Variants in KIAA1549L observed in about 807,000 individuals in gnomAD.
KIAA1549L encodes UPF0606 protein KIAA1549L.
A neutral mutation model predicts 160.7 loss-of-function variants in KIAA1549L; 88 were observed. The observed-to-expected ratio is 0.55, with a 90% CI of 0.46 to 0.65. The LOEUF (loss-of-function observed/expected upper bound fraction) is 0.65. Ranked by LOEUF, KIAA1549L falls within the 30% of genes least tolerant of loss-of-function variation. The pLI, the probability that KIAA1549L is intolerant of heterozygous loss-of-function variation, is 0.00. For missense variants in KIAA1549L, 2,258 were observed against 2,437.5 expected, an observed-to-expected ratio of 0.93 and a Z score of 1.55; for synonymous variants, 950 against 976.7, an observed-to-expected ratio of 0.97 and a Z score of 0.51.
At chr11:33,619,242 G>A (rs1850899829) in intron 16 of KIAA1549L, among the ~76,000 whole-genome samples, 1 of 152,102 alleles carries the variant, frequency 6.6e-6, no homozygotes, top group African/African-American at 2.4e-5. Context: ...CCGGTACCCT[G>A]CACCCTGTGA....
intron 1 of KIAA1549L, among the ~76,000 whole-genome samples, chr11:33,460,390 G>A (rs2132996682): frequency 6.6e-6 from 1 of 152,332 alleles, no homozygotes; most frequent in East Asian, 1.9e-4. Context: ...GCCCAAGTCT[G>A]CTGCCTGGTG....
intron 7 of KIAA1549L, 131 bp from the exon 8 acceptor site, chr11:33,561,545 C>T: frequency 1.4e-6 from 1 of 713,226 alleles, no homozygotes; most frequent in Non-Finnish European, 2.5e-6. Context: ...GGTGCAAGGA[C>T]CACTTGAGCC....
At chr11:33,627,203 T>C (rs1333276660) in intron 16 of KIAA1549L, among the ~76,000 whole-genome samples, 1 of 136,112 alleles carries the variant, frequency 7.3e-6, no homozygotes, top group African/African-American at 2.8e-5. Context: ...ATCAAGGATA[T>C]TGGTCTAAAA....
At chr11:33,606,484 T>C (rs1363456057) in intron 13 of KIAA1549L, among the ~76,000 whole-genome samples, 157 bp from the exon 14 acceptor site, 1 of 152,218 alleles carries the variant, frequency 6.6e-6, no homozygotes, top group African/African-American at 2.4e-5. Flanking sequence ...GGAAAACCGC[T>C]AGCAGTAGCG....
At chr11:33,537,569 G>T (rs146129462) in intron 1 of KIAA1549L, among the ~76,000 whole-genome samples, 1 of 152,268 alleles carries the variant, frequency 6.6e-6, no homozygotes. Context: ...TTGGTTTTCA[G>T]TAGTTTTAAT....
chr11:33,548,874 C>G (rs1235819396), intron 4 of KIAA1549L, among the ~76,000 whole-genome samples: 1 of 152,156 alleles, frequency 6.6e-6, no homozygotes, highest in African/African-American at 2.4e-5. Flanking sequence ...CCCCTCCCTC[C>G]CATCAACACC....
chr11:33,504,274 C>A (rs868371412), intron 1 of KIAA1549L, among the ~76,000 whole-genome samples: 1 of 151,952 alleles, frequency 6.6e-6, no homozygotes, highest in African/African-American at 2.4e-5. Context: ...AAAAAAAAAT[C>A]TTAATCATGT....
intron 1 of KIAA1549L, among the ~76,000 whole-genome samples, chr11:33,402,760 G>T (rs1156741467): frequency 6.6e-6 from 1 of 152,172 alleles, no homozygotes; most frequent in Non-Finnish European, 1.5e-5. Context: ...GGACAGCTTT[G>T]CCCCTTATGT....
intron 1 of KIAA1549L, among the ~76,000 whole-genome samples, chr11:33,429,626 C>G (rs1468472161): frequency 6.6e-6 from 1 of 152,170 alleles, no homozygotes; most frequent in East Asian, 1.9e-4. Context: ...TTGTGGATCC[C>G]TCTTCATCTT....
intron 1 of KIAA1549L, among the ~76,000 whole-genome samples, chr11:33,400,027 C>T (rs1225374874): frequency 6.6e-6 from 1 of 152,116 alleles, no homozygotes; most frequent in Non-Finnish European, 1.5e-5. Flanking sequence ...TATCTCAAGC[C>T]ATCTTTAAGA....
intron 16 of KIAA1549L, among the ~76,000 whole-genome samples, chr11:33,622,330 G>C (rs575093567): frequency 6.6e-6 from 1 of 152,314 alleles, no homozygotes; most frequent in Admixed American, 6.5e-5. Context: ...TTGAAGGAAT[G>C]TTCCTGGAAA....
intron 1 of KIAA1549L, among the ~76,000 whole-genome samples, chr11:33,464,513 C>T (rs762045): frequency 1.1e-3 from 107 of 93,254 alleles, no homozygotes; most frequent in East Asian, 7.5e-3. Flanking sequence ...TGTGTGTGTG[C>T]GTGCGCGCAT....
intron 1 of KIAA1549L, among the ~76,000 whole-genome samples, chr11:33,468,389 C>G (rs1443769591): frequency 6.6e-6 from 1 of 152,202 alleles, no homozygotes; most frequent in Admixed American, 6.5e-5. Context: ...AAATTAGTTT[C>G]AATTCACTGT....
intron 9 of KIAA1549L, among the ~76,000 whole-genome samples, chr11:33,573,625 CA>C (rs1855346578): frequency 6.6e-6 from 1 of 152,072 alleles, no homozygotes. Flanking sequence ...TTGCTATAAA[CA>C]TTTTTGTAAA....
At chr11:33,437,547 T>C (rs1334962018) in intron 1 of KIAA1549L, among the ~76,000 whole-genome samples, 2 of 152,208 alleles carry the variant, frequency 1.3e-5, no homozygotes, top group Non-Finnish European at 2.9e-5. Context: ...TTTATTCATT[T>C]TTAAAATGGG....
At chr11:33,455,006 G>A (rs541219764) in intron 1 of KIAA1549L, among the ~76,000 whole-genome samples, 8 of 152,204 alleles carry the variant, frequency 5.3e-5, no homozygotes, top group Admixed American at 2.6e-4. Flanking sequence ...GGAGAATGGC[G>A]TGAACCCAGG....
chr11:33,664,236 C>G (rs1852363222), intron 20 of KIAA1549L, among the ~76,000 whole-genome samples: 1 of 152,184 alleles, frequency 6.6e-6, no homozygotes, highest in Non-Finnish European at 1.5e-5. Context: ...CAGTTCTCAT[C>G]CGACCCATTG....
At chr11:33,528,323 A>C (rs1853661133) in intron 1 of KIAA1549L, among the ~76,000 whole-genome samples, 1 of 152,310 alleles carries the variant, frequency 6.6e-6, no homozygotes, top group Middle Eastern at 3.4e-3. Context: ...AAATCAAAAC[A>C]TAAGAAATGT....
intron 2 of KIAA1549L, 132 bp downstream of exon 2, chr11:33,544,468 G>C: frequency 1.0e-6 from 1 of 992,222 alleles, no homozygotes; most frequent in Non-Finnish European, 1.5e-6. Flanking sequence ...CCCCCGATCA[G>C]GAATGAGTTA....
Sources: allele counts gnomAD v4.1 joint callset (sites outside exome capture counted in the v4.1 genomes callset), GRCh38; gene constraint gnomAD v4.1.1; transcripts MANE v1.5; gene names NCBI Gene and HGNC (gene_info 2026-07-23, HGNC 2026-07-21).